PTPRD: variants seen among roughly 807,000 people sequenced by gnomAD.
PTPRD encodes the protein receptor-type tyrosine-protein phosphatase delta.
In PTPRD, 34 loss-of-function variants were observed where a neutral mutation model predicts 214.5. That is an observed-to-expected ratio of 0.16 (90% CI 0.12 to 0.21). PTPRD has a LOEUF of 0.21. Among genes scored for constraint, PTPRD ranks in the 10% least tolerant of loss-of-function variants. PTPRD has a pLI of 1.00. For missense variants in PTPRD, 2,545 were observed against 2,398.7 expected, an observed-to-expected ratio of 1.06 and a Z score of -1.27; for synonymous variants, 1,128 against 845.7, an observed-to-expected ratio of 1.33 and a Z score of -5.79.
At chr9:9,917,557 A>T (rs760248752) in intron 5 of PTPRD, among the ~76,000 whole-genome samples, 3 of 151,816 alleles carry the variant, frequency 2.0e-5, no homozygotes, top group Admixed American at 6.6e-5. Flanking sequence ...CAAAAAAATG[A>T]AGCAGAAGGT....
At chr9:9,531,737 G>A (rs2075518963) in intron 8 of PTPRD, among the ~76,000 whole-genome samples, 1 of 152,022 alleles carries the variant, frequency 6.6e-6, no homozygotes, top group African/African-American at 2.4e-5. Context: ...TTGTGCTCAA[G>A]GTTTTGTTTG....
At chr9:8,471,700 G>A (rs545051272) in intron 30 of PTPRD, among the ~76,000 whole-genome samples, 3 of 151,954 alleles carry the variant, frequency 2.0e-5, no homozygotes, top group African/African-American at 7.2e-5. Flanking sequence ...CACGACTTAA[G>A]GGCCTTCAAA....
chr9:8,626,697 C>G (rs1175174607), intron 14 of PTPRD, among the ~76,000 whole-genome samples: 1 of 151,630 alleles, frequency 6.6e-6, no homozygotes, highest in Non-Finnish European at 1.5e-5. Context: ...AGGAAGAACT[C>G]CTCCTACCTT....
At chr9:10,193,903 T>C (rs1015567163) in intron 3 of PTPRD, among the ~76,000 whole-genome samples, 5 of 152,134 alleles carry the variant, frequency 3.3e-5, no homozygotes, top group African/African-American at 1.2e-4. Context: ...ACATGCTTTG[T>C]TAGATGCTCC....
intron 3 of PTPRD, among the ~76,000 whole-genome samples, chr9:10,210,812 T>C (rs1480129619): frequency 9.9e-6 from 1 of 100,720 alleles, no homozygotes; most frequent in Non-Finnish European, 1.9e-5. Context: ...TATATATATA[T>C]ATATATATAT....
At chr9:9,702,045 G>C (rs1393480139) in intron 7 of PTPRD, among the ~76,000 whole-genome samples, 1 of 152,044 alleles carries the variant, frequency 6.6e-6, no homozygotes, top group Non-Finnish European at 1.5e-5. Context: ...GCTTGAACAT[G>C]GGAGGCAGAG....
chr9:9,756,971 C>G (rs932082981), intron 6 of PTPRD, among the ~76,000 whole-genome samples: 1 of 152,132 alleles, frequency 6.6e-6, no homozygotes, highest in Non-Finnish European at 1.5e-5. Context: ...TGGAAAGTTT[C>G]CACAAGAATG....
At chr9:9,082,391 T>A (rs976158748) in intron 10 of PTPRD, among the ~76,000 whole-genome samples, 2 of 152,020 alleles carry the variant, frequency 1.3e-5, no homozygotes, top group African/African-American at 4.8e-5. Context: ...AGGCCTTCAA[T>A]AAAATTCAAC....
chr9:9,541,757 A>G (rs1461435669), intron 8 of PTPRD, among the ~76,000 whole-genome samples: 1 of 151,846 alleles, frequency 6.6e-6, no homozygotes, highest in Non-Finnish European at 1.5e-5. Context: ...CCACTGAGGC[A>G]CGCAGAGAAT....
intron 3 of PTPRD, among the ~76,000 whole-genome samples, chr9:10,130,283 CT>C (rs1201866287): frequency 6.6e-6 from 1 of 151,620 alleles, no homozygotes; most frequent in African/African-American, 2.4e-5. Flanking sequence ...ACCTCAGTAT[CT>C]ATGACTGTTT....
At chr9:9,587,662 C>T (rs1003186542) in intron 7 of PTPRD, among the ~76,000 whole-genome samples, 2 of 151,950 alleles carry the variant, frequency 1.3e-5, no homozygotes, top group Non-Finnish European at 2.9e-5. Flanking sequence ...CCAAAATTAG[C>T]ATTTCTAAAC....
At chr9:8,649,534 C>T (rs2096763110) in intron 12 of PTPRD, among the ~76,000 whole-genome samples, 1 of 152,180 alleles carries the variant, frequency 6.6e-6, no homozygotes, top group South Asian at 2.1e-4. Context: ...CACATGCAGA[C>T]ACTTTCAATG....
Position 8,527,326 on chromosome 9 carries a change from T to C in PTPRD, c.550+19A>G. Reference sequence around the variant, plus strand: ...GGAAATTAGTGGGGTTGAAGTGCGCTTCAGAACTAAGCACTTACCAATAGA... The same window carrying C: ...GGAAATTAGTGGGGTTGAAGTGCGCCTCAGAACTAAGCACTTACCAATAGA... On this transcript the variant is annotated intron_variant, in intron 16 of 45. Transcript: ENST00000381196. 6.2e-7 allele frequency: 1 copy of C among 1,606,064 alleles called. No homozygotes were observed. The highest frequency in any genetic ancestry group is 8.5e-7 in the Non-Finnish European group (1 of 1,176,078).
chr9:8,652,089 T>A (rs1466756822), intron 12 of PTPRD, among the ~76,000 whole-genome samples: 1 of 152,130 alleles, frequency 6.6e-6, no homozygotes, highest in Admixed American at 6.5e-5. Context: ...CCAGCTAACT[T>A]TTTCCCCTGT....
chr9:8,795,957 G>A (rs2096406783), intron 11 of PTPRD, among the ~76,000 whole-genome samples: 1 of 152,098 alleles, frequency 6.6e-6, no homozygotes, highest in South Asian at 2.1e-4. Flanking sequence ...GTTACACTAT[G>A]GAGCAAAGTT....
chr9:9,891,162 G>A (rs888328281), intron 5 of PTPRD, among the ~76,000 whole-genome samples: 2 of 152,078 alleles, frequency 1.3e-5, no homozygotes, highest in African/African-American at 4.8e-5. Flanking sequence ...CCAACCAACG[G>A]TATATGCACA....
At chr9:8,630,541 C>T (rs912255444) in intron 14 of PTPRD, among the ~76,000 whole-genome samples, 5 of 151,770 alleles carry the variant, frequency 3.3e-5, no homozygotes, top group Admixed American at 2.0e-4. Flanking sequence ...TATGTTTAGA[C>T]TACCTTTCTG....
intron 5 of PTPRD, among the ~76,000 whole-genome samples, chr9:9,880,388 T>TTAACCACGTAG (rs2153735823): frequency 6.6e-6 from 1 of 152,280 alleles, no homozygotes; most frequent in Non-Finnish European, 1.5e-5. Flanking sequence ...ATGGCTAGCA[T>TTAACCACGTAG]TTAAGTGAAA....
intron 9 of PTPRD, among the ~76,000 whole-genome samples, chr9:9,288,964 C>T (rs1950330799): frequency 2.0e-5 from 3 of 151,830 alleles, no homozygotes; most frequent in Non-Finnish European, 2.9e-5. Context: ...TTATAAGTTT[C>T]CTGTAGGCTC....
Sources: allele counts gnomAD v4.1 joint callset (sites outside exome capture counted in the v4.1 genomes callset), GRCh38; gene constraint gnomAD v4.1.1; transcripts MANE v1.5; gene names NCBI Gene and HGNC (gene_info 2026-07-23, HGNC 2026-07-21).